The following KCNIP4 variants were observed in gnomAD, a reference collection of about 807,000 sequenced individuals.
KCNIP4 encodes Kv channel-interacting protein 4.
In KCNIP4, 12 loss-of-function variants were observed where a neutral mutation model predicts 34.0. The observed-to-expected ratio is 0.35, with a 90% CI of 0.23 to 0.57. The LOEUF is 0.57. Ranked by LOEUF, KCNIP4 falls within the 20% of genes least tolerant of loss-of-function variation. The probability of loss-of-function intolerance (pLI) is 0.83; values close to 1 mark genes in which losing one functional copy is unlikely to be tolerated. For synonymous variants in KCNIP4, 124 were observed against 102.2 expected, an observed-to-expected ratio of 1.21 and a Z score of -1.29; for missense variants, 238 against 311.7, an observed-to-expected ratio of 0.76 and a Z score of 1.78.
At chr4:21,080,105 G>T (rs2109018616) in intron 1 of KCNIP4, among the ~76,000 whole-genome samples, 1 of 151,954 alleles carries the variant, frequency 6.6e-6, no homozygotes, top group Admixed American at 6.6e-5. Flanking sequence ...CTCATCTCCT[G>T]CATTTTCCCT....
intron 1 of KCNIP4, among the ~76,000 whole-genome samples, chr4:21,938,332 T>C (rs1458608173): frequency 6.6e-6 from 1 of 152,146 alleles, no homozygotes; most frequent in East Asian, 1.9e-4. Flanking sequence ...TCAGGGCTTC[T>C]TTTCCATGGG....
At chr4:21,014,919 A>G (rs1232015767) in intron 1 of KCNIP4, among the ~76,000 whole-genome samples, 1 of 152,216 alleles carries the variant, frequency 6.6e-6, no homozygotes, top group Admixed American at 6.5e-5. Flanking sequence ...ATACAATGGA[A>G]TATTATTTAG....
Position 21,304,083 on chromosome 4 carries a change from GAGAC to G in KCNIP4, c.62-421378_62-421375del, listed in dbSNP as rs1560272663. ...AGAGAGAGAGACAGAGAGAGAGAGAGAGACAGAGAGAGAGAGAGAGAGAGACAGA... is the reference window on the plus strand; with the variant it reads ...AGAGAGAGAGACAGAGAGAGAGAGAGAGAGAGAGAGAGAGAGAGAGACAGA... On this transcript the variant is annotated intron_variant, in intron 1 of 8. Coordinates refer to ENST00000382152, the MANE Select transcript of KCNIP4 (RefSeq NM_025221.6). 299 of 250,082 alleles carry G rather than the reference GAGAC, an allele frequency of 1.2e-3. 1 individual carries two copies. Among genetic ancestry groups the G allele is most frequent in the African/African-American group, 9.6e-3 (256 of 26,598 alleles). 15.5% of individuals were successfully genotyped at this position (250,082 alleles called of 1,614,324 possible). A position where few individuals can be genotyped will look rare whatever the true frequency, so the allele number is the denominator to read the frequency against.
intron 1 of KCNIP4, among the ~76,000 whole-genome samples, chr4:21,155,669 C>T (rs972345324): frequency 2.6e-5 from 4 of 152,038 alleles, no homozygotes; most frequent in Non-Finnish European, 5.9e-5. Context: ...CACGGAAGCT[C>T]TATGCTGGTG....
intron 4 of KCNIP4, among the ~76,000 whole-genome samples, chr4:20,755,052 G>A (rs1014790640): frequency 6.6e-6 from 1 of 152,060 alleles, no homozygotes; most frequent in Non-Finnish European, 1.5e-5. Flanking sequence ...TGCAGACAGT[G>A]AACTCATTAT....
At chr4:20,771,595 A>G (rs988323524) in intron 3 of KCNIP4, among the ~76,000 whole-genome samples, 1 of 152,200 alleles carries the variant, frequency 6.6e-6, no homozygotes, top group African/African-American at 2.4e-5. Flanking sequence ...ATGCAGGTCC[A>G]GATTTTTGGA....
At chr4:21,303,987 A>G in intron 1 of KCNIP4, 1 of 1,474,422 alleles carries the variant, frequency 6.8e-7, no homozygotes, top group Non-Finnish European at 9.1e-7. Flanking sequence ...ATTAAACTAC[A>G]TTAAGAAGGC....
intron 1 of KCNIP4, among the ~76,000 whole-genome samples, chr4:21,143,594 G>C (rs1752132818): frequency 6.6e-6 from 1 of 152,132 alleles, no homozygotes; most frequent in Non-Finnish European, 1.5e-5. Flanking sequence ...TCATAAATGG[G>C]TATTGTTTTA....
At chr4:21,524,205 C>A (rs1735781703) in intron 1 of KCNIP4, among the ~76,000 whole-genome samples, 1 of 144,578 alleles carries the variant, frequency 6.9e-6, no homozygotes, top group African/African-American at 2.5e-5. Flanking sequence ...GGTAGCCTTT[C>A]TTTGCTCCAG....
At position 21,754,535 on chromosome 4, in the gene KCNIP4, A is replaced by G. The variant is rs190863427; in HGVS notation, c.61+194036T>C. 8.8e-3 allele frequency among the ~76,000 whole-genome samples: 1,333 copies of G among 152,306 alleles called. 19 individuals carry two copies. The highest frequency in any genetic ancestry group is 0.039 in the South Asian group (188 of 4,830). On this transcript the variant is annotated intron_variant, in intron 1 of 8. Coordinates refer to ENST00000382152, the MANE Select transcript of KCNIP4 (RefSeq NM_025221.6). Reference sequence around the variant, plus strand: ...TTTTCAAATGGGAAATTCACACTTAAGGAGGATAAGAAATTTGCCTAAAGT... The same window carrying G: ...TTTTCAAATGGGAAATTCACACTTAGGGAGGATAAGAAATTTGCCTAAAGT...
rs192219832 is a variant in KCNIP4 at position 21,640,476 on chromosome 4, A to G, written c.61+308095T>C. Among the ~76,000 whole-genome samples the G allele has an allele frequency of 1.8e-4, 27 of 152,238 alleles. No homozygotes were observed. In the East Asian group the frequency reaches 4.1e-3, roughly 23 times the overall value. On this transcript the variant is annotated intron_variant, in intron 1 of 8. Transcript: ENST00000382152. ...GAGCAGATCTTAAATGACACATTCA[A>G]TCTAACATTCCAGTCTCCCTAAACC...
intron 1 of KCNIP4, among the ~76,000 whole-genome samples, chr4:21,175,956 GT>G (rs575902732): frequency 1.3e-5 from 2 of 150,942 alleles, no homozygotes; most frequent in Admixed American, 6.6e-5. Flanking sequence ...ACTCCCATTT[GT>G]TTTTTTTTAG....
chr4:21,752,474 G>A lies in KCNIP4; in HGVS notation c.61+196097C>T, dbSNP rs148775615. Reference sequence around the variant, plus strand: ...GAACAGCATGGGGCACACTACCCCCGTAATCCAACCACCTCCCACCAGGTC... The same window carrying A: ...GAACAGCATGGGGCACACTACCCCCATAATCCAACCACCTCCCACCAGGTC... On this transcript the variant is annotated intron_variant, in intron 1 of 8. Transcript: ENST00000382152. 8.8e-3 allele frequency among the ~76,000 whole-genome samples: 1,339 copies of A among 152,102 alleles called. 19 individuals are homozygous for A. The highest frequency in any genetic ancestry group is 0.039 in the South Asian group (187 of 4,816).
At chr4:21,245,126 G>T (rs2109060113) in intron 1 of KCNIP4, among the ~76,000 whole-genome samples, 1 of 152,282 alleles carries the variant, frequency 6.6e-6, no homozygotes, top group African/African-American at 2.4e-5. Flanking sequence ...ACCTAGGGCT[G>T]CATTCTTTAG....
intron 1 of KCNIP4, among the ~76,000 whole-genome samples, chr4:21,942,393 G>T (rs538781764): frequency 6.2e-4 from 94 of 152,286 alleles, no homozygotes; most frequent in South Asian, 1.0e-3. Context: ...ATCTGGAAGG[G>T]AGTAAGAATG....
chr4:21,848,903 G>T (rs1285288081), intron 1 of KCNIP4: 1 of 151,812 alleles, frequency 6.6e-6, no homozygotes, highest in African/African-American at 2.4e-5. Flanking sequence ...GACCTAAGGA[G>T]ATACTGCCAC....
chr4:21,283,683 G>A (rs1456135661), intron 1 of KCNIP4, among the ~76,000 whole-genome samples: 1 of 148,088 alleles, frequency 6.8e-6, no homozygotes, highest in Non-Finnish European at 1.5e-5. Flanking sequence ...ATAGCATTAG[G>A]AGATATACCT....
intron 1 of KCNIP4, among the ~76,000 whole-genome samples, chr4:21,407,420 A>G (rs1724087500): frequency 6.6e-6 from 1 of 152,114 alleles, no homozygotes; most frequent in Non-Finnish European, 1.5e-5. Context: ...GTCTTTTCCA[A>G]GGGAACGTAA....
chr4:21,820,155 T>C (rs562904013), intron 1 of KCNIP4, among the ~76,000 whole-genome samples: 71 of 151,628 alleles, frequency 4.7e-4, no homozygotes, highest in Non-Finnish European at 8.0e-4. Context: ...GATGTCTCCT[T>C]GAACTTATTT....
Sources: gnomAD v4.1 joint callset for allele counts (sites outside exome capture counted in the v4.1 genomes callset) on GRCh38, gnomAD v4.1.1 for gene constraint, MANE v1.5 for transcripts, NCBI Gene and HGNC (gene_info 2026-07-23, HGNC 2026-07-21) for gene names.